The following PKP4 variants were observed in gnomAD, a reference collection of about 807,000 sequenced individuals.
PKP4 encodes plakophilin-4.
In PKP4, 90 loss-of-function variants were observed where a neutral mutation model predicts 145.1. The ratio of observed to expected loss-of-function variants is 0.62; its 90% CI spans 0.52 to 0.74. PKP4 has a LOEUF of 0.74. PKP4 is among the 30% of genes least tolerant of loss of function. The pLI, the probability that PKP4 is intolerant of heterozygous loss-of-function variation, is 0.00. For synonymous variants in PKP4, 563 were observed against 577.2 expected (o/e 0.98, Z 0.35); for missense variants, 1,340 against 1,482.7 (o/e 0.90, Z 1.58).
chr2:158,487,550 C>T (rs2105453660), intron 1 of PKP4, among the ~76,000 whole-genome samples: 1 of 152,136 alleles, frequency 6.6e-6, no homozygotes, highest in South Asian at 2.1e-4. Context: ...CATAAAGTAC[C>T]CATGAGTTTA....
intron 2 of PKP4, among the ~76,000 whole-genome samples, chr2:158,536,739 CAT>C (rs2044081347): frequency 6.6e-6 from 1 of 152,160 alleles, no homozygotes; most frequent in African/African-American, 2.4e-5. Context: ...TGGTATCAGT[CAT>C]GTGGATGCGT....
chr2:158,518,009 A>G lies in PKP4; in HGVS notation c.-5-15171A>G, dbSNP rs181254507. ...ATTTTTTTCTGTATCCCCGTCATCTATCTTGATGGTTATTTCAGGTAGTAT... is the reference window on the plus strand; with the variant it reads ...ATTTTTTTCTGTATCCCCGTCATCTGTCTTGATGGTTATTTCAGGTAGTAT... On this transcript the variant is annotated intron_variant, in intron 1 of 21. Transcript: ENST00000389759. Among the ~76,000 whole-genome samples, 71 of 152,286 alleles carry G rather than the reference A, an allele frequency of 4.7e-4. No individual in the cohort carries two copies. The East Asian group carries it at 9.5e-3, about 20-fold the overall frequency.
intron 2 of PKP4, among the ~76,000 whole-genome samples, chr2:158,576,136 C>T (rs914904534): frequency 1.3e-5 from 2 of 152,134 alleles, no homozygotes; most frequent in African/African-American, 2.4e-5. Context: ...AAAAATTATT[C>T]CAAGAATAGC....
intron 2 of PKP4, 197 bp downstream of exon 2, chr2:158,533,513 C>A: frequency 1.5e-6 from 1 of 672,028 alleles, no homozygotes; most frequent in Non-Finnish European, 2.8e-6. Context: ...TCGGAACATG[C>A]AGGATACTTG....
At chr2:158,512,875 C>T (rs2041632459) in intron 1 of PKP4, among the ~76,000 whole-genome samples, 1 of 152,170 alleles carries the variant, frequency 6.6e-6, no homozygotes, top group African/African-American at 2.4e-5. Context: ...ATCAAAATGT[C>T]CATATTTGCC....
intron 2 of PKP4, among the ~76,000 whole-genome samples, chr2:158,551,907 T>C (rs116657211): frequency 2.6e-5 from 4 of 152,342 alleles, no homozygotes; most frequent in Non-Finnish European, 5.9e-5. Flanking sequence ...TAAATTAATA[T>C]GCTGTCTCTC....
chr2:158,638,181 A>G (rs952621640), intron 9 of PKP4, among the ~76,000 whole-genome samples: 1 of 152,262 alleles, frequency 6.6e-6, no homozygotes, highest in Non-Finnish European at 1.5e-5. Flanking sequence ...CAGTTTCAAT[A>G]TATAAAAGGA....
chr2:158,509,898 G>A (rs1440619087), intron 1 of PKP4, among the ~76,000 whole-genome samples: 2 of 143,286 alleles, frequency 1.4e-5, no homozygotes, highest in Non-Finnish European at 3.0e-5. Flanking sequence ...GGTGAGCCGA[G>A]ATCACACCAC....
Position 158,680,674 on chromosome 2 carries a change from G to A in PKP4, c.3576G>A (p.Val1192=), listed in dbSNP as rs2058381440. 6.2e-7 allele frequency: 1 copy of A among 1,605,376 alleles called. No individual in the cohort carries two copies. The highest frequency in any genetic ancestry group is 2.2e-5 in the East Asian group (1 of 44,762). The stretch of plus-strand genomic sequence containing the variant: ...ACCCAGGGTCCCCAGACTCATGGGT[G>A]TAGCATCAAGATGCCCAACAGAGGA... The part of the protein sequence containing the change: ...EQYPGSPDSW[V] The change falls in exon 22 of 22, where the codon GTG becomes GTA. Residue 1192 remains valine (V), a synonymous_variant. Transcript: ENST00000389759.
At chr2:158,609,627 C>T (rs987481319) in intron 4 of PKP4, among the ~76,000 whole-genome samples, 3 of 152,170 alleles carry the variant, frequency 2.0e-5, no homozygotes, top group Non-Finnish European at 4.4e-5. Flanking sequence ...TGCTTAGGAG[C>T]GATCCCTGCT....
intron 3 of PKP4, among the ~76,000 whole-genome samples, chr2:158,593,953 C>T (rs1336374036): frequency 6.6e-6 from 1 of 152,200 alleles, no homozygotes; most frequent in Non-Finnish European, 1.5e-5. Context: ...CCACATTTTG[C>T]TGTCCCTGTT....
intron 2 of PKP4, among the ~76,000 whole-genome samples, chr2:158,556,022 A>G (rs2046060361): frequency 6.6e-6 from 1 of 152,234 alleles, no homozygotes; most frequent in African/African-American, 2.4e-5. Context: ...ATTAACAGTG[A>G]ACGATTAAAG....
intron 7 of PKP4, among the ~76,000 whole-genome samples, chr2:158,631,516 T>C (rs1390371012): frequency 1.3e-5 from 2 of 152,170 alleles, no homozygotes; most frequent in East Asian, 3.9e-4. Flanking sequence ...CCTGAGTAGC[T>C]GGGATCACAG....
Position 158,621,404 on chromosome 2 carries a change from G to C in PKP4, c.586G>C (p.Gly196Arg), listed in dbSNP as rs765032322. 3.7e-6 allele frequency: 6 copies of C among 1,613,978 alleles called. No individual in the cohort carries two copies. The Admixed American group carries it at 6.7e-5, about 18-fold the overall frequency. Residue 196 changes from glycine to arginine, a missense_variant, in exon 6 of 22, where the codon GGA becomes CGA. Coordinates refer to ENST00000389759, the MANE Select transcript of PKP4 (RefSeq NM_003628.6). Reference sequence around the variant, plus strand: ...TGTGGTGAGGAATTCAAGAGCTGAAGGACAAACACTGGTTCAGGTAAGCCA... The same window carrying C: ...TGTGGTGAGGAATTCAAGAGCTGAACGACAAACACTGGTTCAGGTAAGCCA... The part of the protein sequence containing the change: ...NHVVRNSRAE[G>R]QTLVQPSVAN...
rs546142466 is a variant in PKP4 at position 158,499,948 on chromosome 2, A to G, written c.-5-33232A>G. Among the ~76,000 whole-genome samples the G allele has an allele frequency of 2.0e-5, 3 of 152,372 alleles. No individual in the cohort carries two copies. In the East Asian group the frequency reaches 5.8e-4, roughly 29 times the overall value. On this transcript the variant is annotated intron_variant, in intron 1 of 21. Transcript: ENST00000389759. ...AACTTCTGATTCTGTTATGCACAAC[A>G]GCATGTATCAGAAAGTGAGATAATT...
In PKP4 at chr2:158,661,407, A is replaced by G. The variant is rs150425961; in HGVS notation, c.2168A>G (p.Tyr723Cys). ...SCEGLVDSLL[Y>C]VIHTCVNTSD... ...GAGGGGCTGGTAGACTCACTGTTGT[A>G]TGTGATCCACACGTGTGTGAACACA... Residue 723 changes from tyrosine (Y) to cysteine (C), a missense_variant, in exon 13 of 22, where the codon TAT becomes TGT. Tyr to Cys is a radical substitution (Grantham distance 194). Transcript: ENST00000389759. The G allele has an allele frequency of 3.3e-4, 525 of 1,613,658 alleles. No individual in the cohort carries two copies. Among genetic ancestry groups the G allele is most frequent in the Non-Finnish European group, 4.3e-4 (505 of 1,179,736 alleles).
intron 1 of PKP4, among the ~76,000 whole-genome samples, chr2:158,510,823 C>T (rs2041437742): frequency 6.6e-6 from 1 of 152,216 alleles, no homozygotes; most frequent in African/African-American, 2.4e-5. Context: ...CAAGAATGCC[C>T]ACTGTGCCCC....
At chr2:158,675,640 G>A (rs560393626) in intron 19 of PKP4, among the ~76,000 whole-genome samples, 2 of 152,276 alleles carry the variant, frequency 1.3e-5, no homozygotes, top group South Asian at 2.1e-4. Context: ...ATCTGCTTCC[G>A]GGCATGTCTG....
Position 158,554,435 on chromosome 2 carries a change from T to A in PKP4, c.132+21119T>A, listed in dbSNP as rs549602944. Among the ~76,000 whole-genome samples the A allele has an allele frequency of 7.3e-3, 1,078 of 147,636 alleles. 16 individuals are homozygous for A. The highest frequency in any genetic ancestry group is 0.025 in the African/African-American group (972 of 38,558). ...AGAAATAATTATTATTATTATTTTTTTTTTTTTTGAGACGGAGTCTAGCTC... is the reference window on the plus strand; with the variant it reads ...AGAAATAATTATTATTATTATTTTTATTTTTTTTGAGACGGAGTCTAGCTC... On this transcript the variant is annotated intron_variant, in intron 2 of 21. Coordinates refer to ENST00000389759, the MANE Select transcript of PKP4 (RefSeq NM_003628.6).
Sources: gnomAD v4.1 joint callset for allele counts (sites outside exome capture counted in the v4.1 genomes callset) on GRCh38, gnomAD v4.1.1 for gene constraint, MANE v1.5 for transcripts, NCBI Gene and HGNC (gene_info 2026-07-23, HGNC 2026-07-21) for gene names.